The following MYO3A variants were observed in gnomAD, a reference collection of about 807,000 sequenced individuals.
MYO3A encodes the protein myosin-IIIa.
MYO3A carries 180 observed loss-of-function variants against 192.7 expected under a neutral mutation model. That is an observed-to-expected ratio of 0.93 (90% CI 0.83 to 1.06). The LOEUF (loss-of-function observed/expected upper bound fraction) is 1.06. Among genes scored for constraint, MYO3A ranks in the 50% least tolerant of loss-of-function variants. The pLI is 0.00. For missense variants in MYO3A, 1,896 were observed against 1,905.0 expected (o/e 1.00, Z 0.09); for synonymous variants, 628 against 645.3 (o/e 0.97, Z 0.41).
intron 7 of MYO3A, among the ~76,000 whole-genome samples, chr10:26,020,629 A>G (rs1343164553): frequency 6.6e-6 from 1 of 152,246 alleles, no homozygotes; most frequent in African/African-American, 2.4e-5. Flanking sequence ...TGTACAAAAC[A>G]TAAAATTTTA....
chr10:25,980,921 A>G (rs969409909), intron 4 of MYO3A, among the ~76,000 whole-genome samples: 1 of 152,206 alleles, frequency 6.6e-6, no homozygotes, highest in African/African-American at 2.4e-5. Flanking sequence ...TGACAACTGT[A>G]TGATGATCTG....
At chr10:26,106,356 A>G (rs1450535629) in intron 17 of MYO3A, among the ~76,000 whole-genome samples, 2 of 152,022 alleles carry the variant, frequency 1.3e-5, no homozygotes, top group Non-Finnish European at 2.9e-5. Flanking sequence ...CTTGCATCTT[A>G]TTTTTAAATT....
intron 14 of MYO3A, among the ~76,000 whole-genome samples, chr10:26,081,134 CCCCCCCCCCCCG>C (rs1317781506): frequency 9.1e-5 from 3 of 32,832 alleles, no homozygotes; most frequent in Non-Finnish European, 2.5e-4. Context: ...ATATGCCCTT[CCCCCCCCCCCCG>C]CCCCCGCTAC....
rs556506827 is a variant in MYO3A, at chr10:26,021,718, A to G, written c.731+70A>G. 1.5e-3 allele frequency: 2,326 copies of G among 1,575,284 alleles called. 7 individuals carry two copies. In the Middle Eastern group the frequency reaches 0.016, roughly 11 times the overall value. On this transcript the variant is annotated intron_variant, in intron 8 of 34. Coordinates refer to ENST00000642920, the MANE Select transcript of MYO3A (RefSeq NM_017433.5). ...TTCCTCCAGCCACCAAGTGTTCATC[A>G]TGCTCTTCATGGAGACGTTCAGATA...
At chr10:26,016,711 GT>G (rs1430663028) in intron 6 of MYO3A, 108 bp from the exon 7 acceptor site, 18 of 1,079,434 alleles carry the variant, frequency 1.7e-5, no homozygotes, top group Non-Finnish European at 2.5e-5. Context: ...CCACTGGCAG[GT>G]TTGAGGAAAT....
intron 7 of MYO3A, among the ~76,000 whole-genome samples, chr10:26,021,142 C>G (rs1303625771): frequency 6.6e-6 from 1 of 152,144 alleles, no homozygotes; most frequent in Non-Finnish European, 1.5e-5. Flanking sequence ...TTGCCCATTC[C>G]CTCAATAGAC....
At chr10:25,976,505 A>G (rs1001717007) in intron 4 of MYO3A, among the ~76,000 whole-genome samples, 1 of 152,194 alleles carries the variant, frequency 6.6e-6, no homozygotes, top group Non-Finnish European at 1.5e-5. Flanking sequence ...TAAAAATCTC[A>G]TGTCCCCTCC....
intron 17 of MYO3A, among the ~76,000 whole-genome samples, chr10:26,104,592 G>A (rs1325067133): frequency 1.3e-5 from 2 of 152,002 alleles, no homozygotes; most frequent in East Asian, 3.9e-4. Flanking sequence ...AATAAGTATT[G>A]AGATTGGGAA....
chr10:25,971,388 C>G (rs1277432310), intron 4 of MYO3A, among the ~76,000 whole-genome samples: 1 of 152,154 alleles, frequency 6.6e-6, no homozygotes, highest in Admixed American at 6.5e-5. Flanking sequence ...AAGAAATATG[C>G]ATTTACAGTA....
At chr10:25,995,935 G>A (rs2130896000) in intron 4 of MYO3A, among the ~76,000 whole-genome samples, 1 of 152,358 alleles carries the variant, frequency 6.6e-6, no homozygotes, top group South Asian at 2.1e-4. Context: ...CTCCCAGAAA[G>A]GCAACTCGGG....
intron 20 of MYO3A, among the ~76,000 whole-genome samples, chr10:26,138,121 C>T (rs141433811): frequency 0.011 from 1,646 of 152,320 alleles, 34 homozygotes; most frequent in African/African-American, 0.035. Flanking sequence ...GACCTACTCC[C>T]TGTTCTTGCA....
chr10:26,065,122 A>G (rs1029904101), intron 10 of MYO3A, among the ~76,000 whole-genome samples: 1 of 152,168 alleles, frequency 6.6e-6, no homozygotes, highest in African/African-American at 2.4e-5. Flanking sequence ...ATCAAGAGAG[A>G]CTTACAGGAA....
intron 10 of MYO3A, among the ~76,000 whole-genome samples, chr10:26,032,067 G>T (rs1842824809): frequency 1.3e-5 from 2 of 152,016 alleles, no homozygotes; most frequent in Non-Finnish European, 2.9e-5. Flanking sequence ...TATGCCAGTG[G>T]CAATTACCTT....
intron 28 of MYO3A, among the ~76,000 whole-genome samples, chr10:26,169,493 A>C (rs1012127446): frequency 6.6e-6 from 1 of 152,124 alleles, no homozygotes; most frequent in African/African-American, 2.4e-5. Flanking sequence ...TAACCTATAC[A>C]CACACACACT....
intron 6 of MYO3A, among the ~76,000 whole-genome samples, chr10:26,001,271 GAAA>G (rs1840790997): frequency 6.7e-6 from 1 of 149,390 alleles, no homozygotes; most frequent in East Asian, 1.9e-4. Context: ...TCAGATAGTG[GAAA>G]GACTCAAGTT....
intron 18 of MYO3A, among the ~76,000 whole-genome samples, chr10:26,124,446 G>C (rs1839078592): frequency 6.6e-6 from 1 of 152,066 alleles, no homozygotes; most frequent in Non-Finnish European, 1.5e-5. Context: ...AAATGTTTAT[G>C]CAGACTAATG....
chr10:26,145,856 TA>T (rs1840432637), intron 22 of MYO3A, among the ~76,000 whole-genome samples: 1 of 152,210 alleles, frequency 6.6e-6, no homozygotes, highest in African/African-American at 2.4e-5. Context: ...TTTAAGTAAC[TA>T]AGAAAAAACA....
rs558222809 is a variant in MYO3A, at chr10:25,944,342, A to G, written c.-17-7752A>G. Among the ~76,000 whole-genome samples, 355 of 152,104 alleles carry G rather than the reference A, an allele frequency of 2.3e-3. 4 individuals carry two copies. In the South Asian group the frequency reaches 0.029, roughly 13 times the overall value. On this transcript the variant is annotated intron_variant, in intron 2 of 34. Transcript: ENST00000642920. ...TTTTTGCATGAATCTTCACAGAGATATTCATCTCCAGTTTTATTCTCTTGT... is the reference window on the plus strand; with the variant it reads ...TTTTTGCATGAATCTTCACAGAGATGTTCATCTCCAGTTTTATTCTCTTGT...
intron 4 of MYO3A, among the ~76,000 whole-genome samples, chr10:25,988,946 T>TA (rs1839835865): frequency 6.6e-6 from 1 of 150,646 alleles, no homozygotes; most frequent in African/African-American, 2.4e-5. Context: ...ACTCTTTTTT[T>TA]TTTTTTTTTT....
Sources: gnomAD v4.1 joint callset for allele counts (sites outside exome capture counted in the v4.1 genomes callset) on GRCh38, gnomAD v4.1.1 for gene constraint, MANE v1.5 for transcripts, NCBI Gene and HGNC (gene_info 2026-07-23, HGNC 2026-07-21) for gene names.